Variants in PLEKHA5 observed in about 807,000 individuals in gnomAD.
PLEKHA5 encodes the protein pleckstrin homology domain containing A5, also known as pleckstrin homology domain-containing family A member 5.
In PLEKHA5, 55 loss-of-function variants were observed where a neutral mutation model predicts 181.9. The ratio of observed to expected loss-of-function variants is 0.30; its 90% CI spans 0.24 to 0.38. The LOEUF (loss-of-function observed/expected upper bound fraction) is 0.38, where lower values mean the gene tolerates loss of function less well. PLEKHA5 is among the 10% of genes least tolerant of loss of function. PLEKHA5 has a pLI of 1.00. For missense variants in PLEKHA5, 1,432 were observed against 1,549.5 expected (o/e 0.92, Z 1.27); for synonymous variants, 535 against 529.4 (o/e 1.01, Z -0.15).
intron 25 of PLEKHA5, among the ~76,000 whole-genome samples, chr12:19,353,305 C>CA (rs1185288872): frequency 1.3e-5 from 2 of 152,010 alleles, no homozygotes; most frequent in African/African-American, 4.8e-5. Context: ...AGACACCTGA[C>CA]ACCATGCCTG....
chr12:19,251,793 C>T (rs1451711943), intron 3 of PLEKHA5, among the ~76,000 whole-genome samples: 1 of 146,666 alleles, frequency 6.8e-6, no homozygotes, highest in Non-Finnish European at 1.5e-5. Flanking sequence ...AATGGCAGCT[C>T]TAAGATAAAA....
intron 3 of PLEKHA5, among the ~76,000 whole-genome samples, chr12:19,181,937 G>T (rs1019197361): frequency 6.6e-6 from 1 of 152,190 alleles, no homozygotes; most frequent in African/African-American, 2.4e-5. Context: ...AGGATTATGT[G>T]TCTAGATCTG....
intron 10 of PLEKHA5, among the ~76,000 whole-genome samples, chr12:19,270,897 G>A (rs1454845994): frequency 6.6e-6 from 1 of 151,752 alleles, no homozygotes; most frequent in Non-Finnish European, 1.5e-5. Flanking sequence ...TTTTAATAAA[G>A]TCTTGGCTTT....
intron 15 of PLEKHA5, among the ~76,000 whole-genome samples, chr12:19,302,278 C>T (rs549630738): frequency 1.3e-5 from 2 of 152,332 alleles, no homozygotes; most frequent in East Asian, 1.9e-4. Context: ...AAGCTCTGCT[C>T]TGTATCCACC....
chr12:19,227,844 G>A (rs187717998), intron 3 of PLEKHA5, among the ~76,000 whole-genome samples: 2 of 152,282 alleles, frequency 1.3e-5, no homozygotes, highest in Non-Finnish European at 1.5e-5. Context: ...CAGCTGTTTT[G>A]CAAAAACCTT....
At chr12:19,216,111 C>T (rs1178326542) in intron 3 of PLEKHA5, among the ~76,000 whole-genome samples, 2 of 152,122 alleles carry the variant, frequency 1.3e-5, no homozygotes, top group Non-Finnish European at 2.9e-5. Flanking sequence ...ACCATGCTGT[C>T]AGAAAGAAGA....
intron 3 of PLEKHA5, among the ~76,000 whole-genome samples, chr12:19,197,372 C>T (rs929366873): frequency 1.6e-4 from 25 of 152,156 alleles, no homozygotes; most frequent in African/African-American, 5.6e-4. Context: ...GCCTCAGGGT[C>T]TTAACACTGA....
intron 20 of PLEKHA5, among the ~76,000 whole-genome samples, chr12:19,329,218 A>G (rs2092592414): frequency 1.3e-5 from 2 of 152,166 alleles, no homozygotes; most frequent in African/African-American, 4.8e-5. Context: ...ACTTTTTGAT[A>G]TGCCACTGAA....
At chr12:19,321,525 A>C (rs900133264) in intron 18 of PLEKHA5, 1 of 131,602 alleles carries the variant, frequency 7.6e-6, no homozygotes, top group Non-Finnish European at 1.6e-5. Flanking sequence ...CACCATGCCC[A>C]GCTAACTTTT....
rs541722089 is a variant in PLEKHA5, at chr12:19,187,863, G to A, written c.227+55413G>A. Among the ~76,000 whole-genome samples the A allele has an allele frequency of 1.2e-3, 188 of 152,248 alleles. 1 individual carries two copies. The highest frequency in any genetic ancestry group is 1.4e-3 in the Non-Finnish European group (98 of 68,010). On this transcript the variant is annotated intron_variant, in intron 3 of 31. Coordinates refer to ENST00000429027, the MANE Select transcript of PLEKHA5 (RefSeq NM_001256470.2). ...GACCATTTTAATATTTTTTAAATGT[G>A]ATCTGTTTCAATTTATGTTTCTTTC...
chr12:19,362,661 G>C (rs1218959493), intron 29 of PLEKHA5, among the ~76,000 whole-genome samples: 6 of 152,158 alleles, frequency 3.9e-5, no homozygotes, highest in Non-Finnish European at 8.8e-5. Flanking sequence ...TCAGGAAACT[G>C]AGGTGGGAGG....
At chr12:19,297,685 A>C (rs1424972687) in intron 15 of PLEKHA5, among the ~76,000 whole-genome samples, 2 of 150,664 alleles carry the variant, frequency 1.3e-5, no homozygotes, top group African/African-American at 2.4e-5. Flanking sequence ...TCTTTTTTGC[A>C]TGAAAATGTT....
intron 16 of PLEKHA5, among the ~76,000 whole-genome samples, 189 bp downstream of exon 16, chr12:19,315,083 G>A (rs1310231654): frequency 1.3e-5 from 2 of 151,974 alleles, no homozygotes; most frequent in East Asian, 1.9e-4. Flanking sequence ...GCATGGCTTC[G>A]CTGAACATTT....
chr12:19,157,118 A>ACAC (rs2041949246), intron 3 of PLEKHA5, among the ~76,000 whole-genome samples: 1 of 151,120 alleles, frequency 6.6e-6, no homozygotes, highest in South Asian at 2.1e-4. Flanking sequence ...ACACACACAC[A>ACAC]CACACACACG....
chr12:19,303,072 C>T (rs1470184703), intron 15 of PLEKHA5, among the ~76,000 whole-genome samples: 6 of 151,494 alleles, frequency 4.0e-5, no homozygotes, highest in Non-Finnish European at 8.8e-5. Flanking sequence ...CAGGCGCACA[C>T]CACCGCACCC....
At chr12:19,238,246 TGAA>T (rs2061741484) in intron 3 of PLEKHA5, among the ~76,000 whole-genome samples, 1 of 152,148 alleles carries the variant, frequency 6.6e-6, no homozygotes, top group African/African-American at 2.4e-5. Flanking sequence ...CTGAAGCAGT[TGAA>T]GAATGACTTG....
At chr12:19,200,333 A>AT in intron 3 of PLEKHA5, 1 of 1,529,804 alleles carries the variant, frequency 6.5e-7, no homozygotes, top group Non-Finnish European at 8.8e-7. Flanking sequence ...AGCTGAATAG[A>AT]TTTCCTTTTC....
chr12:19,261,908 C>G (rs11044468), intron 7 of PLEKHA5, among the ~76,000 whole-genome samples: 4,204 of 152,216 alleles, frequency 0.028, 96 homozygotes, highest in South Asian at 0.048. Flanking sequence ...TTTGGAATTA[C>G]TAGAATTGTT....
At chr12:19,276,412 C>T (rs551513822) in intron 11 of PLEKHA5, among the ~76,000 whole-genome samples, 24 of 152,234 alleles carry the variant, frequency 1.6e-4, no homozygotes, top group South Asian at 1.5e-3. Context: ...AGTTTGGTGC[C>T]GGGCAAGGTG....
Sources: allele counts gnomAD v4.1 joint callset (sites outside exome capture counted in the v4.1 genomes callset), GRCh38; gene constraint gnomAD v4.1.1; transcripts MANE v1.5; gene names NCBI Gene and HGNC (gene_info 2026-07-23, HGNC 2026-07-21).